DMBT1: variants seen among roughly 807,000 people sequenced by gnomAD.
DMBT1 encodes deleted in malignant brain tumors 1.
A neutral mutation model predicts 252.9 loss-of-function variants in DMBT1; 198 were observed. The ratio of observed to expected loss-of-function variants is 0.78; its 90% CI spans 0.70 to 0.88. The LOEUF is 0.88. Among genes scored for constraint, DMBT1 ranks in the 40% least tolerant of loss-of-function variants. The pLI, the probability that DMBT1 is intolerant of heterozygous loss-of-function variation, is 0.00. For missense variants in DMBT1, 2,432 were observed against 2,404.7 expected (o/e 1.01, Z -0.24); for synonymous variants, 990 against 942.7 (o/e 1.05, Z -0.92).
In DMBT1 at chr10:122,586,154, G is replaced by C. The variant is rs756966605; in HGVS notation, c.1554G>C (p.Val518=). 6.3e-7 allele frequency: 1 copy of C among 1,589,202 alleles called. No individual in the cohort carries two copies. The highest frequency in any genetic ancestry group is 8.6e-7 in the Non-Finnish European group (1 of 1,166,142). ...TATACCGAGGCTCCTGGGGCACCGT[G>C]TGTGATGACAGCTGGGACACCAATG... ...EVLYRGSWGT[V]CDDSWDTNDA... is the part of the protein sequence containing the mutation. Residue 518 remains valine (V), a synonymous_variant, in exon 16 of 56, where the codon GTG becomes GTC. Coordinates refer to ENST00000338354, the MANE Select transcript of DMBT1 (RefSeq NM_001377530.1).
rs771078727 is a variant in DMBT1, at chr10:122,601,040, C to T, written c.3343+17C>T. 2 of 884,598 alleles carry T rather than the reference C, an allele frequency of 2.3e-6. No homozygotes were observed. Among genetic ancestry groups the T allele is most frequent in the African/African-American group, 4.1e-5 (2 of 48,694 alleles). The allele number at this position is 884,598 out of a possible 1,614,324, so 54.8% of individuals were successfully genotyped here. ...CAACAGCAGGTAAATAATCCTCTCA[C>T]CCCTCCCTAGGGCTCACTGTCTCTG... On this transcript the variant is annotated intron_variant, in intron 28 of 55. Transcript: ENST00000338354.
Position 122,633,186 on chromosome 10 carries a change from G to A in DMBT1, c.6398-5G>A, listed in dbSNP as rs2098180318. 1.2e-6 allele frequency: 2 copies of A among 1,613,380 alleles called. No homozygotes were observed. The highest frequency in any genetic ancestry group is 2.7e-5 in the African/African-American group (2 of 75,036). ...CACCGACATTCCCACTTTTTGTCCTGACAGCAGATTATTCCTGCGGAGGCT... is the reference window on the plus strand; with the variant it reads ...CACCGACATTCCCACTTTTTGTCCTAACAGCAGATTATTCCTGCGGAGGCT... On this transcript the variant is annotated splice_polypyrimidine_tract_variant and splice_region_variant and intron_variant, in intron 51 of 55. Coordinates refer to ENST00000338354, the MANE Select transcript of DMBT1 (RefSeq NM_001377530.1).
At chr10:122,570,303 C>A in intron 3 of DMBT1, 94 bp downstream of exon 3, 1 of 1,055,990 alleles carries the variant, frequency 9.5e-7, no homozygotes, top group Non-Finnish European at 1.5e-6. Flanking sequence ...AGCCATACTT[C>A]TAGCAACTCT....
At chr10:122,579,557 G>C (rs2097747008) in intron 9 of DMBT1, 21 bp from the exon 10 acceptor site, 2 of 1,612,224 alleles carry the variant, frequency 1.2e-6, no homozygotes, top group African/African-American at 1.3e-5. Context: ...ATGGATGAAG[G>C]GTTCTTGTGT....
Position 122,579,921 on chromosome 10 carries a change from G to A in DMBT1, c.1003+20G>A. On this transcript the variant is annotated intron_variant, in intron 10 of 55. Transcript: ENST00000338354. Reference sequence around the variant, plus strand: ...GCTCAGGTGGGCCTTCAAGAACTTGGGCTCACTCTCTTGGGGTGGAGTTTG... The same window carrying A: ...GCTCAGGTGGGCCTTCAAGAACTTGAGCTCACTCTCTTGGGGTGGAGTTTG... 6.2e-7 allele frequency: 1 copy of A among 1,613,786 alleles called. No homozygotes were observed. The highest frequency in any genetic ancestry group is 8.5e-7 in the Non-Finnish European group (1 of 1,179,758).
At chr10:122,573,883 C>T (rs1591202754) in intron 6 of DMBT1, 121 bp downstream of exon 6, 3 of 1,268,884 alleles carry the variant, frequency 2.4e-6, no homozygotes, top group Non-Finnish European at 3.4e-6. Flanking sequence ...CCACGAGGGG[C>T]CCTTCCACAA....
intron 4 of DMBT1, 33 bp downstream of exon 4, chr10:122,570,970 C>T (rs191880574): frequency 1.9e-6 from 3 of 1,603,680 alleles, no homozygotes; most frequent in South Asian, 2.2e-5. Context: ...CCTGTGGGCT[C>T]ATTACCCCAC....
chr10:122,597,060 T>G lies in DMBT1; in HGVS notation c.2917+6T>G, dbSNP rs376412183. 50,579 of 547,862 alleles carry G rather than the reference T, an allele frequency of 0.092. 4,091 individuals are homozygous for G. The highest frequency in any genetic ancestry group is 0.31 in the African/African-American group (10,530 of 33,838). 33.9% of individuals were successfully genotyped at this position (547,862 alleles called of 1,614,324 possible). A position where few individuals can be genotyped will look rare whatever the true frequency, so the allele number is the denominator to read the frequency against. On this transcript the variant is annotated splice_donor_region_variant and intron_variant, in intron 24 of 55. Transcript: ENST00000338354. The stretch of plus-strand genomic sequence containing the variant: ...CTGGTCGACGCCCAGTCCAGGTGAG[T>G]CCCCAGTGTCCTTCCTTGGGATGTC...
chr10:122,561,945 A>C (rs2097550758), intron 1 of DMBT1, among the ~76,000 whole-genome samples: 1 of 147,692 alleles, frequency 6.8e-6, no homozygotes, highest in South Asian at 2.2e-4. Context: ...GGCAACTATT[A>C]TCACCTTTCC....
chr10:122,593,343 G>C lies in DMBT1; in HGVS notation c.2501-226G>C, dbSNP rs527806438. On this transcript the variant is annotated intron_variant, in intron 20 of 55. Coordinates refer to ENST00000338354, the MANE Select transcript of DMBT1 (RefSeq NM_001377530.1). ...GGTTTAGGTCAACCGGGTTACCCTGGGCAGACACAATTTGATCACCTCAGA... is the reference window on the plus strand; with the variant it reads ...GGTTTAGGTCAACCGGGTTACCCTGCGCAGACACAATTTGATCACCTCAGA... 2.2e-3 allele frequency among the ~76,000 whole-genome samples: 319 copies of C among 148,248 alleles called. 32 individuals are homozygous for C. Among genetic ancestry groups the C allele is most frequent in the South Asian group, 0.012 (53 of 4,352 alleles).
Position 122,579,090 on chromosome 10 carries a change from G to C in DMBT1, c.679+331G>C, listed in dbSNP as rs2097740463. 2.0e-5 allele frequency among the ~76,000 whole-genome samples: 3 copies of C among 152,080 alleles called. No homozygotes were observed. In the South Asian group the frequency reaches 6.2e-4, roughly 32 times the overall value. On this transcript the variant is annotated intron_variant, in intron 9 of 55. Coordinates refer to ENST00000338354, the MANE Select transcript of DMBT1 (RefSeq NM_001377530.1). The stretch of plus-strand genomic sequence containing the variant: ...ATTAGATGTGATATTGGAGGGTGGA[G>C]GGTGCTGGTGACCTGTCTCCTGTGG...
In DMBT1 at chr10:122,633,263, A is replaced by C. The variant is rs759098102; in HGVS notation, c.6470A>C (p.Tyr2157Ser). Residue 2157 changes from tyrosine (Y) to serine (S), a missense_variant, in exon 52 of 56, where the codon TAT becomes TCT. By Grantham distance (144) the Tyr-to-Ser change is moderately radical (BLOSUM62 -2). This residue lies in a region of DMBT1 where 1,162 missense variants were observed against 1,169.0 expected (regional missense o/e 0.99). Transcript: ENST00000338354. ...TCCAGCCCATTCTATCCCGGGAACT[A>C]TCCAAACAATGCCAAGTGTGTGTGG... The part of the protein sequence containing the change: ...DFSSPFYPGN[Y>S]PNNAKCVWDI... The C allele has an allele frequency of 1.2e-6, 2 of 1,613,904 alleles. No individual in the cohort carries two copies. The highest frequency in any genetic ancestry group is 1.7e-6 in the Non-Finnish European group (2 of 1,179,914).
rs940085419 is a variant in DMBT1 at position 122,573,480 on chromosome 10, G to A, written c.236-235G>A. Among the ~76,000 whole-genome samples, 7 of 152,210 alleles carry A rather than the reference G, an allele frequency of 4.6e-5. No individual in the cohort carries two copies. In the East Asian group the frequency reaches 1.2e-3, roughly 25 times the overall value. On this transcript the variant is annotated intron_variant, in intron 5 of 55. Coordinates refer to ENST00000338354, the MANE Select transcript of DMBT1 (RefSeq NM_001377530.1). Reference sequence around the variant, plus strand: ...GGTGACTTTTTGAATAGAGGCTGTGGCAGCAGAGGACATGGGGGTAGGGTA... The same window carrying A: ...GGTGACTTTTTGAATAGAGGCTGTGACAGCAGAGGACATGGGGGTAGGGTA...
chr10:122,580,738 C>T, intron 10 of DMBT1, 128 bp from the exon 11 acceptor site: 2 of 1,337,392 alleles, frequency 1.5e-6, no homozygotes, highest in Non-Finnish European at 2.1e-6. Context: ...ATGGCAATGT[C>T]CCTCCCTGTG....
intron 49 of DMBT1, among the ~76,000 whole-genome samples, chr10:122,631,648 T>C (rs1343056076): frequency 6.6e-6 from 1 of 152,128 alleles, no homozygotes; most frequent in African/African-American, 2.4e-5. Context: ...ACCTCAGCTG[T>C]AATCCTGATG....
intron 55 of DMBT1, 25 bp from the exon 56 acceptor site, chr10:122,643,097 C>G: frequency 3.1e-6 from 5 of 1,608,874 alleles, no homozygotes; most frequent in Non-Finnish European, 4.3e-6. Context: ...TTGGTGAGAG[C>G]TAAGGGGCTA....
chr10:122,569,337 C>A (rs1010501855), intron 2 of DMBT1, among the ~76,000 whole-genome samples: 7 of 152,092 alleles, frequency 4.6e-5, no homozygotes, highest in Admixed American at 2.0e-4. Context: ...AGGAGTGAAC[C>A]AAAGCATTCT....
rs770401633 is a variant in DMBT1 at position 122,586,100 on chromosome 10, T to G, written c.1500T>G (p.Gly500=). The change falls in exon 16 of 56, where the codon GGT becomes GGG. Residue 500 remains glycine, a synonymous_variant. Transcript: ENST00000338354. ...SSLALRLVNG[G]DRCQGRVEVL... ...TGGCCCTGAGGCTGGTGAATGGAGG[T>G]GACAGGTGTCAGGGCCGAGTGGAGG... The G allele has an allele frequency of 1.3e-6, 2 of 1,588,808 alleles. No homozygotes were observed. Among genetic ancestry groups the G allele is most frequent in the South Asian group, 1.1e-5 (1 of 87,008 alleles).
chr10:122,598,065 TG>T, intron 25 of DMBT1, 53 bp downstream of exon 25: 2 of 1,611,696 alleles, frequency 1.2e-6, no homozygotes, highest in Non-Finnish European at 1.7e-6. Flanking sequence ...TCTGGACAAA[TG>T]TTTTTTCTGA....
Sources: allele counts gnomAD v4.1 joint callset (sites outside exome capture counted in the v4.1 genomes callset), GRCh38; gene constraint gnomAD v4.1.1; regional missense constraint gnomAD v4.1.1; transcripts MANE v1.5; gene names NCBI Gene and HGNC (gene_info 2026-07-23, HGNC 2026-07-21).